The following ASIC1 variants were observed in gnomAD, a reference collection of about 807,000 sequenced individuals.
ASIC1 encodes acid sensing ion channel subunit 1, also known as acid-sensing ion channel 1.
A neutral mutation model predicts 63.4 loss-of-function variants in ASIC1; 21 were observed. That is an observed-to-expected ratio of 0.33 (90% CI 0.23 to 0.48). The LOEUF (loss-of-function observed/expected upper bound fraction) is 0.48. Among genes scored for constraint, ASIC1 ranks in the 20% least tolerant of loss-of-function variants. The pLI is 0.99. For synonymous variants in ASIC1, 258 were observed against 278.2 expected (o/e 0.93, Z 0.72); for missense variants, 478 against 695.5 (o/e 0.69, Z 3.52).
At chr12:50,067,048 T>C (rs835592) in intron 3 of ASIC1, among the ~76,000 whole-genome samples, 50,704 of 152,068 alleles carry the variant, frequency 0.33, 9,893 homozygotes, top group Middle Eastern at 0.47. Flanking sequence ...AATACATAGC[T>C]GTAACGACAG....
chr12:50,060,750 G>A (rs761691268), intron 3 of ASIC1, among the ~76,000 whole-genome samples: 4 of 152,182 alleles, frequency 2.6e-5, no homozygotes, highest in Non-Finnish European at 4.4e-5. Context: ...GATGTGCTGG[G>A]CAACCCTGGG....
chr12:50,078,664 C>T lies in ASIC1; in HGVS notation c.994+87C>T. 1 of 1,571,308 alleles carries T rather than the reference C, an allele frequency of 6.4e-7. No individual in the cohort carries two copies. Among genetic ancestry groups the T allele is most frequent in the Admixed American group, 1.7e-5 (1 of 58,576 alleles). On this transcript the variant is annotated intron_variant, in intron 6 of 11. Transcript: ENST00000447966. The surrounding 1 kb of genome is among the most constrained non-coding windows in gnomAD (Gnocchi z 6.0). ...CTCCCCATCCATATCAATCTCCCAA[C>T]CCCAGTTCCAGCCCACCCCATCCCA...
chr12:50,072,432 C>G (rs1418408075), intron 3 of ASIC1, among the ~76,000 whole-genome samples: 1 of 152,134 alleles, frequency 6.6e-6, no homozygotes, highest in African/African-American at 2.4e-5. Flanking sequence ...ACAGAGGGGC[C>G]AGGGGCCTGG....
rs1453959687 is a variant in ASIC1 at position 50,081,584 on chromosome 12, A to T, written c.1522A>T (p.Thr508Ser). The change falls in exon 12 of 12, where the codon ACA becomes TCA. Residue 508 changes from threonine to serine, a missense_variant. This residue lies in a region of ASIC1 where 104 missense variants were observed against 97.0 expected (regional missense o/e 1.07). Coordinates refer to ENST00000447966, the MANE Select transcript of ASIC1 (RefSeq NM_001095.4). ...CCTTCGGGGCCACCCTGCCGGGATG[A>T]CATACGCTGCCAACATCCTACCTCA... The part of the protein sequence containing the change: ...ESLRGHPAGM[T>S]YAANILPHHP... 1 of 1,614,144 alleles carries T rather than the reference A, an allele frequency of 6.2e-7. No homozygotes were observed. The highest frequency in any genetic ancestry group is 1.7e-5 in the Admixed American group (1 of 60,030).
At chr12:50,060,057 G>A in intron 3 of ASIC1, 103 bp downstream of exon 3, 1 of 1,380,182 alleles carries the variant, frequency 7.2e-7, no homozygotes, top group Non-Finnish European at 9.9e-7. Context: ...CTCTGGGAGA[G>A]GAAGTTGTAT....
At chr12:50,069,549 C>T (rs966014684) in intron 3 of ASIC1, among the ~76,000 whole-genome samples, 10 of 152,186 alleles carry the variant, frequency 6.6e-5, no homozygotes, top group Admixed American at 6.5e-4. Flanking sequence ...CCATTTCAGC[C>T]TCCCAAAGTG....
At position 50,080,009 on chromosome 12, in the gene ASIC1, G is replaced by A; in HGVS notation, c.1159G>A (p.Ala387Thr). The change falls in exon 8 of 12, where the codon GCC becomes ACC. Residue 387 changes from alanine (A) to threonine (T), a missense_variant. Ala to Thr is a moderately conservative substitution (Grantham distance 58, BLOSUM62 0). Around this residue, in one of 3 missense-constraint regions of ASIC1, gnomAD observed 84 missense variants for 183.5 expected, o/e 0.46. Transcript: ENST00000447966. ...GGTCAAGATCCCCAGCAAAGCCTCA[G>A]CCAAGTACCTGGCCAAGAAGTTCAA... The part of the protein sequence containing the change: ...SMVKIPSKAS[A>T]KYLAKKFNKS... 1 of 1,614,070 alleles carries A rather than the reference G, an allele frequency of 6.2e-7. No homozygotes were observed. Among genetic ancestry groups the A allele is most frequent in the Non-Finnish European group, 8.5e-7 (1 of 1,179,984 alleles).
Position 50,081,829 on chromosome 12 carries a change from C to T in ASIC1, c.*180C>T. ...GTCCTCTCTCTGCCTCTATCCCATT[C>T]TTTTTACATTTAACAAAACTAATCT... is the stretch of plus-strand genomic sequence containing the variant. On this transcript the variant is annotated 3_prime_UTR_variant, in exon 12 of 12. Coordinates refer to ENST00000447966, the MANE Select transcript of ASIC1 (RefSeq NM_001095.4). 1 of 603,308 alleles carries T rather than the reference C, an allele frequency of 1.7e-6. No individual in the cohort carries two copies. 37.4% of individuals were successfully genotyped at this position (603,308 alleles called of 1,614,324 possible). A position where few individuals can be genotyped will look rare whatever the true frequency, so the allele number is the denominator to read the frequency against.
chr12:50,069,582 C>T (rs1296230853), intron 3 of ASIC1, among the ~76,000 whole-genome samples: 1 of 152,206 alleles, frequency 6.6e-6, no homozygotes. Context: ...GCATAAGCCA[C>T]CGCGCCCAGC....
At chr12:50,073,876 C>G (rs1181410862) in intron 3 of ASIC1, 2 of 1,533,248 alleles carry the variant, frequency 1.3e-6, no homozygotes, top group Non-Finnish European at 1.7e-6. Flanking sequence ...GGCCTTTGTC[C>G]TGGCACTGGG....
At chr12:50,065,673 A>G (rs886575687) in intron 3 of ASIC1, among the ~76,000 whole-genome samples, 4 of 152,186 alleles carry the variant, frequency 2.6e-5, no homozygotes, top group African/African-American at 9.7e-5. Flanking sequence ...CTCCAAGGCC[A>G]CTCTCCAGGG....
chr12:50,067,088 C>T (rs192996883), intron 3 of ASIC1, among the ~76,000 whole-genome samples: 2 of 136,026 alleles, frequency 1.5e-5, no homozygotes, highest in African/African-American at 2.8e-5. Flanking sequence ...TGCTATGTAT[C>T]GGTCTTTGTG....
chr12:50,063,409 C>T (rs1950518294), intron 3 of ASIC1, among the ~76,000 whole-genome samples: 1 of 152,178 alleles, frequency 6.6e-6, no homozygotes, highest in Non-Finnish European at 1.5e-5. Context: ...TCCGCTGAGA[C>T]CTAGACCCTT....
Position 50,079,946 on chromosome 12 carries a change from C to G in ASIC1, c.1096C>G (p.Pro366Ala). The change falls in exon 8 of 12, where the codon CCT becomes GCT. Residue 366 changes from proline (P) to alanine (A), a missense_variant. By Grantham distance (27) the Pro-to-Ala change is conservative. Around this residue, in one of 3 missense-constraint regions of ASIC1, gnomAD observed 84 missense variants for 183.5 expected, o/e 0.46. Coordinates refer to ENST00000447966, the MANE Select transcript of ASIC1 (RefSeq NM_001095.4). ...KDQEYCVCEM[P>A]CNLTRYGKEL... ...CCAGGAGTACTGCGTGTGTGAAATGCCTTGCAACCTGACCCGCTATGGCAA... is the reference window on the plus strand; with the variant it reads ...CCAGGAGTACTGCGTGTGTGAAATGGCTTGCAACCTGACCCGCTATGGCAA... The G allele has an allele frequency of 6.2e-7, 1 of 1,613,760 alleles. No individual in the cohort carries two copies. Among genetic ancestry groups the G allele is most frequent in the Non-Finnish European group, 8.5e-7 (1 of 1,179,840 alleles).
intron 3 of ASIC1, among the ~76,000 whole-genome samples, chr12:50,060,227 T>G (rs150168816): frequency 1.8e-3 from 281 of 152,314 alleles, no homozygotes; most frequent in African/African-American, 5.9e-3. Context: ...GTGCGTGGTC[T>G]GGCATAGCCA....
Position 50,059,995 on chromosome 12 carries a change from A to G in ASIC1, c.558+41A>G, listed in dbSNP as rs760434919. The G allele has an allele frequency of 7.5e-6, 12 of 1,602,730 alleles. No homozygotes were observed. The East Asian group carries it at 2.7e-4, about 36-fold the overall frequency. ...TGGGGTGTGAGTCAGCCTGGCCCAC[A>G]GAGGAGGAGGAGGAGACAAGGAGCA... On this transcript the variant is annotated intron_variant, in intron 3 of 11. Coordinates refer to ENST00000447966, the MANE Select transcript of ASIC1 (RefSeq NM_001095.4). The surrounding 1 kb of genome is among the most constrained non-coding windows in gnomAD (Gnocchi z 4.6).
chr12:50,068,455 C>CT (rs1320665217), intron 3 of ASIC1, among the ~76,000 whole-genome samples: 1 of 152,042 alleles, frequency 6.6e-6, no homozygotes, highest in Non-Finnish European at 1.5e-5. Context: ...CAAATCAGAC[C>CT]TTTTTTTCTA....
rs1294986226 is a variant in ASIC1, at chr12:50,059,264, T to C, written c.362+136T>C. Reference sequence around the variant, plus strand: ...CCACCCCCACCCCCAAACCTGCCACTCACAGCAGAGGAGTTAGGGTGCTGC... The same window carrying C: ...CCACCCCCACCCCCAAACCTGCCACCCACAGCAGAGGAGTTAGGGTGCTGC... On this transcript the variant is annotated intron_variant, in intron 2 of 11. Coordinates refer to ENST00000447966, the MANE Select transcript of ASIC1 (RefSeq NM_001095.4). The surrounding 1 kb of genome is among the most constrained non-coding windows in gnomAD (Gnocchi z 4.6). 2 of 1,258,660 alleles carry C rather than the reference T, an allele frequency of 1.6e-6. No individual in the cohort carries two copies. Among genetic ancestry groups the C allele is most frequent in the Admixed American group, 4.9e-5 (2 of 40,836 alleles). 78.0% of individuals were successfully genotyped at this position (1,258,660 alleles called of 1,614,324 possible).
chr12:50,081,532 C>T lies in ASIC1; in HGVS notation c.1483-13C>T, dbSNP rs764302311. ...GAGGGATAACCCGTCCCTGTCCTGT[C>T]CCCTTCCCCCAGAACCCGTGCGAGA... On this transcript the variant is annotated splice_polypyrimidine_tract_variant and intron_variant, in intron 11 of 11. Coordinates refer to ENST00000447966, the MANE Select transcript of ASIC1 (RefSeq NM_001095.4). 2 of 1,611,972 alleles carry T rather than the reference C, an allele frequency of 1.2e-6. No homozygotes were observed. Among genetic ancestry groups the T allele is most frequent in the East Asian group, 4.5e-5 (2 of 44,664 alleles).
Sources: allele counts gnomAD v4.1 joint callset (sites outside exome capture counted in the v4.1 genomes callset), GRCh38; gene constraint gnomAD v4.1.1; regional missense constraint gnomAD v4.1.1; non-coding constraint Gnocchi (gnomAD v3.1); transcripts MANE v1.5; gene names NCBI Gene and HGNC (gene_info 2026-07-23, HGNC 2026-07-21).